SMAD9: variants seen among roughly 807,000 people sequenced by gnomAD.
The protein encoded by SMAD9 is SMAD family member 9.
A neutral mutation model predicts 46.1 loss-of-function variants in SMAD9; 36 were observed. That is an observed-to-expected ratio of 0.78 (90% CI 0.60 to 1.03). The LOEUF is 1.03. Among genes scored for constraint, SMAD9 ranks in the 50% least tolerant of loss-of-function variants. SMAD9 has a pLI of 0.00. For synonymous variants in SMAD9, 245 were observed against 237.1 expected (o/e 1.03, Z -0.31); for missense variants, 572 against 599.8 (o/e 0.95, Z 0.48).
At chr13:36,905,872 A>T (rs920497206) in intron 1 of SMAD9, among the ~76,000 whole-genome samples, 1 of 149,816 alleles carries the variant, frequency 6.7e-6, no homozygotes, top group African/African-American at 2.4e-5. Flanking sequence ...GAAAATAAAG[A>T]TAGGGTCTCG....
chr13:36,865,963 G>C (rs1319565911), intron 4 of SMAD9, among the ~76,000 whole-genome samples: 4 of 152,156 alleles, frequency 2.6e-5, no homozygotes, highest in African/African-American at 9.7e-5. Context: ...CTGAGATGTA[G>C]AGCCCATGGT....
chr13:36,898,971 A>C (rs1469877757), intron 1 of SMAD9, among the ~76,000 whole-genome samples: 1 of 152,194 alleles, frequency 6.6e-6, no homozygotes, highest in Non-Finnish European at 1.5e-5. Flanking sequence ...GAAATGAAAA[A>C]TTTTCTGTAT....
intron 2 of SMAD9, 134 bp from the exon 3 acceptor site, chr13:36,873,049 A>G (rs1281653008): frequency 9.3e-6 from 9 of 971,638 alleles, no homozygotes; most frequent in Admixed American, 2.0e-5. Context: ...TACTCCCATT[A>G]GTCTTTGTGC....
intron 1 of SMAD9, among the ~76,000 whole-genome samples, chr13:36,905,688 C>T (rs527651971): frequency 7.0e-6 from 1 of 142,036 alleles, no homozygotes; most frequent in Non-Finnish European, 1.5e-5. Flanking sequence ...GTGGGAGGAT[C>T]ACTTGAGGCT....
intron 1 of SMAD9, among the ~76,000 whole-genome samples, chr13:36,908,255 G>GA (rs1342276311): frequency 2.0e-5 from 3 of 152,144 alleles, no homozygotes; most frequent in Non-Finnish European, 4.4e-5. Context: ...TACATGCCAT[G>GA]AATCAGTATT....
rs1374726298 is a variant in SMAD9, at chr13:36,846,512, A to C, written c.*2164T>G. Reference sequence around the variant, plus strand: ...AAAAAAAAAAGATTACCAGAGGATAAGTTAGATAGCTGGTAGAGAGATCAC... The same window carrying C: ...AAAAAAAAAAGATTACCAGAGGATACGTTAGATAGCTGGTAGAGAGATCAC... On this transcript the variant is annotated 3_prime_UTR_variant, in exon 7 of 7. Coordinates refer to ENST00000379826, the MANE Select transcript of SMAD9 (RefSeq NM_001127217.3). 6.7e-6 allele frequency: 1 copy of C among 149,358 alleles called. No homozygotes were observed. Among genetic ancestry groups the C allele is most frequent in the East Asian group, 2.0e-4 (1 of 5,088 alleles). The allele number at this position is 149,358 out of a possible 1,614,324, so 9.3% of individuals were successfully genotyped here.
At chr13:36,890,481 T>C (rs189765131) in intron 1 of SMAD9, among the ~76,000 whole-genome samples, 158 of 152,374 alleles carry the variant, frequency 1.0e-3, no homozygotes, top group Non-Finnish European at 1.7e-3. Context: ...ACGTAGTCAA[T>C]GAACCAGTTT....
chr13:36,858,478 A>G (rs968312422), intron 5 of SMAD9, among the ~76,000 whole-genome samples: 1 of 152,248 alleles, frequency 6.6e-6, no homozygotes, highest in African/African-American at 2.4e-5. Context: ...TGGTCCTCCA[A>G]GACTGCCCCT....
intron 1 of SMAD9, among the ~76,000 whole-genome samples, chr13:36,887,804 GA>G (rs1172459676): frequency 6.6e-6 from 1 of 152,180 alleles, no homozygotes. Context: ...AACGGGAGCA[GA>G]TACAGGCAGG....
intron 3 of SMAD9, among the ~76,000 whole-genome samples, chr13:36,870,198 CAG>C (rs1357449050): frequency 6.6e-6 from 1 of 152,172 alleles, no homozygotes; most frequent in Non-Finnish European, 1.5e-5. Context: ...ATCAACCTGT[CAG>C]AGTAACCAGG....
At chr13:36,879,181 G>T (rs1401375685) in intron 2 of SMAD9, 97 bp downstream of exon 2, 1 of 1,091,140 alleles carries the variant, frequency 9.2e-7, no homozygotes, top group Non-Finnish European at 1.4e-6. Context: ...TCTCTTTTGG[G>T]AGAGGTCCCT....
At chr13:36,876,250 T>C (rs1389485931) in intron 2 of SMAD9, among the ~76,000 whole-genome samples, 3 of 152,196 alleles carry the variant, frequency 2.0e-5, no homozygotes, top group Non-Finnish European at 2.9e-5. Context: ...AAAACACTTC[T>C]GTCTTTTTAA....
intron 1 of SMAD9, among the ~76,000 whole-genome samples, chr13:36,883,736 G>A (rs1284893615): frequency 6.6e-6 from 1 of 152,226 alleles, no homozygotes; most frequent in Admixed American, 6.5e-5. Context: ...GGGCAACAGA[G>A]AGAGACCCTG....
chr13:36,848,580 C>T lies in SMAD9; in HGVS notation c.*96G>A. On this transcript the variant is annotated 3_prime_UTR_variant, in exon 7 of 7. Coordinates refer to ENST00000379826, the MANE Select transcript of SMAD9 (RefSeq NM_001127217.3). ...ACAGTATACATTCTATGTATTTACACATGTTTTTAGAAACTTCAGTTGCAA... is the reference window on the plus strand; with the variant it reads ...ACAGTATACATTCTATGTATTTACATATGTTTTTAGAAACTTCAGTTGCAA... 8.7e-7 allele frequency: 1 copy of T among 1,148,256 alleles called. No homozygotes were observed. Among genetic ancestry groups the T allele is most frequent in the Non-Finnish European group, 1.3e-6 (1 of 756,212 alleles). 71.1% of individuals were successfully genotyped at this position (1,148,256 alleles called of 1,614,324 possible).
rs514501 is a variant in SMAD9 at position 36,848,039 on chromosome 13, G to A, written c.*637C>T. 9,143 of 152,538 alleles carry A rather than the reference G, an allele frequency of 0.06. 526 individuals are homozygous for A. Among genetic ancestry groups the A allele is most frequent in the African/African-American group, 0.14 (5,859 of 41,518 alleles). The allele number at this position is 152,538 out of a possible 1,614,324, so 9.4% of individuals were successfully genotyped here. A position where few individuals can be genotyped will look rare whatever the true frequency, so the allele number is the denominator to read the frequency against. ...TTACAGTGGTAGACTGAGGGAACAT[G>A]ACTTTTGGCTTCACAGTTTTTTTTC... is the stretch of plus-strand genomic sequence containing the variant. On this transcript the variant is annotated 3_prime_UTR_variant, in exon 7 of 7. Coordinates refer to ENST00000379826, the MANE Select transcript of SMAD9 (RefSeq NM_001127217.3).
intron 1 of SMAD9, among the ~76,000 whole-genome samples, chr13:36,890,329 C>T (rs1316202597): frequency 5.9e-5 from 9 of 152,160 alleles, no homozygotes; most frequent in Admixed American, 5.9e-4. Flanking sequence ...CACTGTTAAG[C>T]AAACTGTAAA....
chr13:36,860,179 T>C (rs1199881), intron 5 of SMAD9, among the ~76,000 whole-genome samples: 31,172 of 151,992 alleles, frequency 0.21, 4,892 homozygotes, highest in African/African-American at 0.42. Flanking sequence ...TCCGGTAACA[T>C]CTCTGCAAGG....
intron 5 of SMAD9, among the ~76,000 whole-genome samples, chr13:36,861,124 G>A (rs576160337): frequency 6.6e-6 from 1 of 152,074 alleles, no homozygotes; most frequent in Non-Finnish European, 1.5e-5. Context: ...GGGTAAATGA[G>A]GACCCATCAT....
Position 36,879,798 on chromosome 13 carries a change from T to C in SMAD9, c.-109A>G. The C allele has an allele frequency of 1.6e-6, 2 of 1,246,052 alleles. No homozygotes were observed. Among genetic ancestry groups the C allele is most frequent in the Non-Finnish European group, 2.3e-6 (2 of 868,582 alleles). The allele number at this position is 1,246,052 out of a possible 1,614,324, so 77.2% of individuals were successfully genotyped here. A position where few individuals can be genotyped will look rare whatever the true frequency, so the allele number is the denominator to read the frequency against. On this transcript the variant is annotated 5_prime_UTR_variant, in exon 2 of 7. Coordinates refer to ENST00000379826, the MANE Select transcript of SMAD9 (RefSeq NM_001127217.3). ...GGCATAGGGACCAACCCGCCCGTTC[T>C]TCTGGGAGCAGCTGGGACCAATTCA...
Sources: gnomAD v4.1 joint callset for allele counts (sites outside exome capture counted in the v4.1 genomes callset) on GRCh38, gnomAD v4.1.1 for gene constraint, MANE v1.5 for transcripts, NCBI Gene and HGNC (gene_info 2026-07-23, HGNC 2026-07-21) for gene names.